The following EEF1AKMT2 variants were observed in gnomAD, a reference collection of about 807,000 sequenced individuals.
EEF1AKMT2 encodes EEF1A lysine methyltransferase 2.
EEF1AKMT2 carries 32 observed loss-of-function variants against 35.8 expected under a neutral mutation model. The ratio of observed to expected loss-of-function variants is 0.89; its 90% CI spans 0.67 to 1.20. The LOEUF (loss-of-function observed/expected upper bound fraction) is 1.20, where lower values mean the gene tolerates loss of function less well. EEF1AKMT2 is among the 50% of genes most tolerant of loss of function. The pLI, the probability that EEF1AKMT2 is intolerant of heterozygous loss-of-function variation, is 0.00. For synonymous variants in EEF1AKMT2, 121 were observed against 133.7 expected, an observed-to-expected ratio of 0.91 and a Z score of 0.65; for missense variants, 330 against 347.5, an observed-to-expected ratio of 0.95 and a Z score of 0.40.
At chr10:124,771,345 C>T (rs1205544319) in intron 4 of EEF1AKMT2, among the ~76,000 whole-genome samples, 2 of 151,650 alleles carry the variant, frequency 1.3e-5, no homozygotes, top group Admixed American at 6.6e-5. Context: ...GTGATCCGCC[C>T]ACCTTGGCCT....
At position 124,774,737 on chromosome 10, in the gene EEF1AKMT2, A is replaced by G. The variant is rs758728676; in HGVS notation, c.337T>C (p.Ser113Pro). Reference protein sequence around the residue: ...SNITGIDYSPSAIQLSGSIIE... With the variant: ...SNITGIDYSPPAIQLSGSIIE... The stretch of plus-strand genomic sequence containing the variant: ...ATACTTCCAGAAAGCTGAATTGCAG[A>G]AGGAGAGTAATCAATTCCAGTAATA... Residue 113 changes from serine to proline, a missense_variant, in exon 4 of 7, where the codon TCT (serine) becomes CCT (proline). Physicochemically the swap from Ser to Pro is moderately conservative, Grantham distance 74 (BLOSUM62 -1). Transcript: ENST00000368836. 3 of 1,485,960 alleles carry G rather than the reference A, an allele frequency of 2.0e-6. No individual in the cohort carries two copies. The highest frequency in any genetic ancestry group is 2.7e-6 in the Non-Finnish European group (3 of 1,122,498). The allele number at this position is 1,485,960 out of a possible 1,614,324, so 92.0% of individuals were successfully genotyped here.
intron 3 of EEF1AKMT2, among the ~76,000 whole-genome samples, chr10:124,783,565 G>C (rs995575935): frequency 4.6e-5 from 7 of 152,182 alleles, no homozygotes; most frequent in African/African-American, 1.7e-4. Context: ...TGCTTAACTG[G>C]CGTATGACCC....
intron 4 of EEF1AKMT2, among the ~76,000 whole-genome samples, chr10:124,766,780 TA>T: frequency 6.6e-6 from 1 of 152,326 alleles, no homozygotes; most frequent in South Asian, 2.1e-4. Context: ...TTCCTCATCC[TA>T]AATGCCTATA....
At chr10:124,784,132 A>C (rs1380157346) in intron 3 of EEF1AKMT2, among the ~76,000 whole-genome samples, 1 of 152,048 alleles carries the variant, frequency 6.6e-6, no homozygotes, top group Admixed American at 6.6e-5. Context: ...CAATACATAC[A>C]TTTTTCAAGT....
intron 3 of EEF1AKMT2, among the ~76,000 whole-genome samples, chr10:124,776,538 AGC>A (rs1950488722): frequency 6.6e-6 from 1 of 152,214 alleles, no homozygotes; most frequent in African/African-American, 2.4e-5. Context: ...CTATAATCCT[AGC>A]ACTCTGGGAG....
chr10:124,774,229 T>C (rs1273415563), intron 4 of EEF1AKMT2, among the ~76,000 whole-genome samples: 8 of 151,322 alleles, frequency 5.3e-5, no homozygotes, highest in Non-Finnish European at 1.2e-4. Flanking sequence ...TAGCTGGGCG[T>C]GGCTGCAGGC....
chr10:124,791,801 A>AGCGCCACCGCC lies in EEF1AKMT2; in HGVS notation c.22_32dup (p.Ala15LeufsTer55), dbSNP rs761932283. ...CCTTGTCCGACCGCGCCGCCACCGC[A>AGCGCCACCGCC]GCGCCACCGCCGCCGTCAGCGCCCG... On this transcript the variant is annotated frameshift_variant, in exon 1 of 7. Coordinates refer to ENST00000368836, the MANE Select transcript of EEF1AKMT2 (RefSeq NM_212554.4). LOFTEE classifies it high-confidence loss of function. 150 of 1,589,302 alleles carry AGCGCCACCGCC rather than the reference A, an allele frequency of 9.4e-5. No homozygotes were observed. The East Asian group carries it at 3.1e-3, about 33-fold the overall frequency.
intron 5 of EEF1AKMT2, among the ~76,000 whole-genome samples, 169 bp downstream of exon 5, chr10:124,765,223 G>A (rs1176118636): frequency 1.3e-5 from 2 of 152,150 alleles, no homozygotes; most frequent in African/African-American, 4.8e-5. Flanking sequence ...ATTTCTCTGT[G>A]CTTTGCATAT....
chr10:124,762,275 T>G, intron 6 of EEF1AKMT2, 25 bp downstream of exon 6: 1 of 1,059,742 alleles, frequency 9.4e-7, no homozygotes, highest in Non-Finnish European at 1.2e-6. Context: ...TTTTAAAAAA[T>G]AAATAAAGCT....
In EEF1AKMT2 at chr10:124,758,824, C is replaced by G. The variant is rs1425454316; in HGVS notation, c.*1679G>C. The G allele has an allele frequency of 6.6e-6, 1 of 152,094 alleles. No individual in the cohort carries two copies. 9.4% of individuals were successfully genotyped at this position (152,094 alleles called of 1,614,324 possible). On this transcript the variant is annotated 3_prime_UTR_variant, in exon 7 of 7. Transcript: ENST00000368836. ...AGATCTCCTGTCTTGGTAAAATCAA[C>G]ACAATCTTCTAAAAAATTTAAATTG...
intron 4 of EEF1AKMT2, among the ~76,000 whole-genome samples, chr10:124,768,953 A>G (rs1316199288): frequency 6.6e-6 from 1 of 151,232 alleles, no homozygotes; most frequent in African/African-American, 2.4e-5. Flanking sequence ...AACTGGCCAG[A>G]AGCAGTGGCT....
At chr10:124,773,862 G>C (rs1950461734) in intron 4 of EEF1AKMT2, among the ~76,000 whole-genome samples, 1 of 152,084 alleles carries the variant, frequency 6.6e-6, no homozygotes. Context: ...AACAGATGGG[G>C]CTCAACAGGC....
intron 3 of EEF1AKMT2, among the ~76,000 whole-genome samples, chr10:124,776,781 C>A (rs1950491061): frequency 6.7e-6 from 1 of 150,130 alleles, no homozygotes; most frequent in African/African-American, 2.5e-5. Context: ...GGCAACAGAA[C>A]AAGACTCTTG....
intron 3 of EEF1AKMT2, among the ~76,000 whole-genome samples, chr10:124,781,074 T>G (rs534405600): frequency 7.2e-5 from 11 of 151,872 alleles, no homozygotes; most frequent in African/African-American, 2.7e-4. Context: ...GTCTCCTGAG[T>G]AGCTGGGACT....
chr10:124,783,393 C>CTGGT lies in EEF1AKMT2; in HGVS notation c.291+5649_291+5650insACCA, dbSNP rs775631243. Among the ~76,000 whole-genome samples, 25 of 152,238 alleles carry CTGGT rather than the reference C, an allele frequency of 1.6e-4. 1 individual carries two copies. Among genetic ancestry groups the CTGGT allele is most frequent in the Non-Finnish European group, 2.6e-4 (18 of 68,014 alleles). The stretch of plus-strand genomic sequence containing the variant: ...TGCTGACCTCAAGTGATCCACCGGC[C>CTGGT]TTGGCCTCCCAGAGTGCTAGGATTG... On this transcript the variant is annotated intron_variant, in intron 3 of 6. Transcript: ENST00000368836.
chr10:124,761,450 T>C (rs80188951), intron 6 of EEF1AKMT2, among the ~76,000 whole-genome samples: 7,730 of 150,974 alleles, frequency 0.051, 639 homozygotes, highest in African/African-American at 0.18. Context: ...CAGTAATTTA[T>C]AACAAAGATG....
chr10:124,782,813 C>CA (rs35267378), intron 3 of EEF1AKMT2: 120,615 of 179,390 alleles, frequency 0.67, 37,470 homozygotes, highest in Admixed American at 0.76. Context: ...AACTCTGTCT[C>CA]AAAAAAAAAA....
chr10:124,762,941 A>G (rs1950344785), intron 5 of EEF1AKMT2, among the ~76,000 whole-genome samples: 1 of 152,220 alleles, frequency 6.6e-6, no homozygotes, highest in Non-Finnish European at 1.5e-5. Context: ...CTAACCCTAC[A>G]GAATTGGAGT....
rs542397682 is a variant in EEF1AKMT2 at position 124,787,091 on chromosome 10, C to T, written c.291+1952G>A. ...CTCCCGAGTACCTGGGACTATATGGCGCCCACCACCACTCCCGGCTAACTT... is the reference window on the plus strand; with the variant it reads ...CTCCCGAGTACCTGGGACTATATGGTGCCCACCACCACTCCCGGCTAACTT... On this transcript the variant is annotated intron_variant, in intron 3 of 6. Transcript: ENST00000368836. Among the ~76,000 whole-genome samples the T allele has an allele frequency of 7.6e-4, 115 of 150,466 alleles. 1 individual carries two copies. The highest frequency in any genetic ancestry group is 2.3e-3 in the African/African-American group (96 of 40,916).
Sources: gnomAD v4.1 joint callset for allele counts (sites outside exome capture counted in the v4.1 genomes callset) on GRCh38, gnomAD v4.1.1 for gene constraint, MANE v1.5 for transcripts, NCBI Gene and HGNC (gene_info 2026-07-23, HGNC 2026-07-21) for gene names.